The following PCDH9 variants were observed in gnomAD, a reference collection of about 807,000 sequenced individuals.
PCDH9 encodes the protein protocadherin-9.
PCDH9 carries 24 observed loss-of-function variants against 70.6 expected under a neutral mutation model. The ratio of observed to expected loss-of-function variants is 0.34; its 90% CI spans 0.25 to 0.48. The LOEUF (loss-of-function observed/expected upper bound fraction) is 0.48, where lower values mean the gene tolerates loss of function less well. PCDH9 is among the 20% of genes least tolerant of loss of function. PCDH9 has a pLI of 0.99. For synonymous variants in PCDH9, 562 were observed against 558.5 expected (o/e 1.01, Z -0.09); for missense variants, 1,281 against 1,503.6 (o/e 0.85, Z 2.45).
chr13:66,732,615 T>C (rs1012296765), intron 3 of PCDH9, among the ~76,000 whole-genome samples: 1 of 152,076 alleles, frequency 6.6e-6, no homozygotes, highest in Admixed American at 6.6e-5. Context: ...GTACTTTCAT[T>C]GGCTTGTTTC....
At chr13:67,118,587 G>A (rs1380531595) in intron 2 of PCDH9, among the ~76,000 whole-genome samples, 2 of 152,086 alleles carry the variant, frequency 1.3e-5, no homozygotes, top group Admixed American at 1.3e-4. Flanking sequence ...GTCTGTGGAA[G>A]ATCTCTTATA....
intron 3 of PCDH9, among the ~76,000 whole-genome samples, chr13:66,877,254 T>A (rs1371124291): frequency 7.4e-6 from 1 of 135,312 alleles, no homozygotes; most frequent in Non-Finnish European, 1.5e-5. Flanking sequence ...AAACTAAAAG[T>A]AAATTATGAA....
intron 4 of PCDH9, among the ~76,000 whole-genome samples, chr13:66,482,924 C>T (rs548653191): frequency 1.4e-4 from 21 of 152,190 alleles, no homozygotes; most frequent in South Asian, 8.3e-4. Context: ...CTGTGGTAAC[C>T]TTTTTCTAAG....
At chr13:66,522,625 G>C (rs1050027623) in intron 4 of PCDH9, among the ~76,000 whole-genome samples, 1 of 151,972 alleles carries the variant, frequency 6.6e-6, no homozygotes, top group Non-Finnish European at 1.5e-5. Context: ...GTTTGAGAGA[G>C]CCCTAAGTCC....
At chr13:67,025,865 G>C (rs1289415806) in intron 2 of PCDH9, among the ~76,000 whole-genome samples, 2 of 152,016 alleles carry the variant, frequency 1.3e-5, no homozygotes, top group Non-Finnish European at 2.9e-5. Flanking sequence ...GCAAGTTAAA[G>C]CATATTTATA....
chr13:66,821,947 CT>C (rs1461706303), intron 3 of PCDH9, among the ~76,000 whole-genome samples: 2 of 152,120 alleles, frequency 1.3e-5, no homozygotes, highest in East Asian at 3.9e-4. Context: ...TGTAAAATAG[CT>C]GTCTATATGA....
At chr13:66,375,069 A>G (rs1956724039) in intron 4 of PCDH9, among the ~76,000 whole-genome samples, 1 of 152,108 alleles carries the variant, frequency 6.6e-6, no homozygotes, top group African/African-American at 2.4e-5. Context: ...TACATGATTA[A>G]CTCTACTTAA....
At chr13:66,735,069 G>C (rs1209577529) in intron 3 of PCDH9, among the ~76,000 whole-genome samples, 1 of 152,142 alleles carries the variant, frequency 6.6e-6, no homozygotes, top group Non-Finnish European at 1.5e-5. Flanking sequence ...ATATAGTACT[G>C]GGTGCTGTTC....
rs541118002 is a variant in PCDH9 at position 66,824,084 on chromosome 13, A to G, written c.3138+79420T>C. On this transcript the variant is annotated intron_variant, in intron 3 of 4. Coordinates refer to ENST00000377865, the MANE Select transcript of PCDH9 (RefSeq NM_203487.3). ...TTTCATAACTTACTGTACAGTCAAA[A>G]TTAATCATCTCAATAAAGAGCATTT... Among the ~76,000 whole-genome samples the G allele has an allele frequency of 2.0e-5, 3 of 152,024 alleles. No homozygotes were observed. The South Asian group carries it at 6.2e-4, about 32-fold the overall frequency.
intron 2 of PCDH9, among the ~76,000 whole-genome samples, chr13:67,025,996 T>C (rs546253859): frequency 1.6e-4 from 24 of 152,258 alleles, no homozygotes; most frequent in Admixed American, 1.3e-3. Flanking sequence ...AACAAACACA[T>C]TATCTTTTAT....
intron 4 of PCDH9, among the ~76,000 whole-genome samples, chr13:66,349,416 T>C (rs1419403288): frequency 1.3e-5 from 2 of 152,166 alleles, no homozygotes; most frequent in East Asian, 3.9e-4. Flanking sequence ...TTATGACAAA[T>C]ACATAGAAGA....
chr13:66,548,517 A>G (rs747052646), intron 4 of PCDH9, among the ~76,000 whole-genome samples: 47 of 152,096 alleles, frequency 3.1e-4, no homozygotes, highest in Non-Finnish European at 6.2e-4. Context: ...GTGAGCTGAG[A>G]TCATGTTGCT....
At chr13:67,184,913 C>T (rs201736994) in intron 2 of PCDH9, among the ~76,000 whole-genome samples, 3 of 152,306 alleles carry the variant, frequency 2.0e-5, no homozygotes, top group East Asian at 3.9e-4. Context: ...CATCTTAATA[C>T]ATCCCTTTTT....
intron 3 of PCDH9, among the ~76,000 whole-genome samples, chr13:66,653,664 A>G (rs1053337779): frequency 2.6e-5 from 4 of 152,050 alleles, no homozygotes; most frequent in African/African-American, 9.7e-5. Flanking sequence ...TCTGTGAGGT[A>G]TATACCCAAA....
At chr13:66,587,981 C>G (rs567738471) in intron 4 of PCDH9, among the ~76,000 whole-genome samples, 1 of 152,038 alleles carries the variant, frequency 6.6e-6, no homozygotes, top group South Asian at 2.1e-4. Flanking sequence ...GATATCTCTG[C>G]TGCTCCCTCC....
intron 3 of PCDH9, among the ~76,000 whole-genome samples, chr13:66,735,821 G>T (rs113754268): frequency 6.6e-6 from 1 of 152,116 alleles, no homozygotes; most frequent in South Asian, 2.1e-4. Flanking sequence ...AAAATTAGCT[G>T]GGTGTGGTGG....
At chr13:66,340,597 T>C (rs1198470630) in intron 4 of PCDH9, among the ~76,000 whole-genome samples, 2 of 152,224 alleles carry the variant, frequency 1.3e-5, no homozygotes, top group Non-Finnish European at 2.9e-5. Flanking sequence ...CACTTCACAC[T>C]TCACATGCTG....
At chr13:66,313,593 C>T (rs116651986) in intron 4 of PCDH9, among the ~76,000 whole-genome samples, 39 of 152,286 alleles carry the variant, frequency 2.6e-4, no homozygotes, top group African/African-American at 8.9e-4. Context: ...AATAGTAGTA[C>T]ACAATGTTAT....
At chr13:66,414,811 C>T (rs1957434827) in intron 4 of PCDH9, among the ~76,000 whole-genome samples, 2 of 151,830 alleles carry the variant, frequency 1.3e-5, no homozygotes, top group Non-Finnish European at 2.9e-5. Flanking sequence ...TTTATTTTGC[C>T]CCCCAGAAAA....
Sources: allele counts gnomAD v4.1 joint callset (sites outside exome capture counted in the v4.1 genomes callset), GRCh38; gene constraint gnomAD v4.1.1; transcripts MANE v1.5; gene names NCBI Gene and HGNC (gene_info 2026-07-23, HGNC 2026-07-21).